USP32: variants seen among roughly 807,000 people sequenced by gnomAD.
The protein encoded by USP32 is ubiquitin specific peptidase 32.
In USP32, 59 loss-of-function variants were observed where a neutral mutation model predicts 204.8. The ratio of observed to expected loss-of-function variants is 0.29; its 90% CI spans 0.23 to 0.36. The LOEUF (loss-of-function observed/expected upper bound fraction) is 0.36. Ranked by LOEUF, USP32 falls within the 10% of genes least tolerant of loss-of-function variation. USP32 has a pLI of 1.00. For synonymous variants in USP32, 517 were observed against 678.4 expected, an observed-to-expected ratio of 0.76 and a Z score of 3.70; for missense variants, 1,160 against 1,946.4, an observed-to-expected ratio of 0.60 and a Z score of 7.60.
intron 5 of USP32, among the ~76,000 whole-genome samples, chr17:60,272,648 T>A (rs2145793031): frequency 6.6e-6 from 1 of 152,322 alleles, no homozygotes; most frequent in Admixed American, 6.5e-5. Flanking sequence ...ATAAGCAGCA[T>A]AGAACGGTGA....
At chr17:60,298,265 A>G (rs1326455148) in intron 3 of USP32, among the ~76,000 whole-genome samples, 1 of 152,174 alleles carries the variant, frequency 6.6e-6, no homozygotes, top group Non-Finnish European at 1.5e-5. Context: ...TCTTCAGCAT[A>G]AATCTCTGTT....
intron 2 of USP32, among the ~76,000 whole-genome samples, chr17:60,306,471 C>T (rs1036173710): frequency 1.3e-5 from 2 of 152,110 alleles, no homozygotes; most frequent in Admixed American, 6.6e-5. Flanking sequence ...AACCTTGTCT[C>T]TACTAAAAAT....
chr17:60,252,310 G>A, intron 11 of USP32, 71 bp downstream of exon 11: 1 of 1,161,352 alleles, frequency 8.6e-7, no homozygotes, highest in Non-Finnish European at 1.3e-6. Context: ...AATAGGACAT[G>A]CTGTTCCTCA....
chr17:60,344,328 C>T (rs577328347), intron 2 of USP32, among the ~76,000 whole-genome samples: 38 of 152,152 alleles, frequency 2.5e-4, no homozygotes, highest in Middle Eastern at 3.4e-3. Flanking sequence ...TGGTGTTTTA[C>T]CATGTTGGCC....
At position 60,375,661 on chromosome 17, in the gene USP32, T is replaced by G. The variant is rs539230435; in HGVS notation, c.58+16221A>C. 2.0e-4 allele frequency among the ~76,000 whole-genome samples: 30 copies of G among 152,322 alleles called. 1 individual carries two copies. The highest frequency in any genetic ancestry group is 7.2e-4 in the African/African-American group (30 of 41,576). On this transcript the variant is annotated intron_variant, in intron 1 of 33. Transcript: ENST00000300896. ...CTCTGTCGCTCAGGCTGGAGTGCAGTGGCACGATCTTGGCTCACTGCAACC... is the reference window on the plus strand; with the variant it reads ...CTCTGTCGCTCAGGCTGGAGTGCAGGGGCACGATCTTGGCTCACTGCAACC...
At chr17:60,360,545 G>C (rs2089184610) in intron 1 of USP32, among the ~76,000 whole-genome samples, 1 of 151,804 alleles carries the variant, frequency 6.6e-6, no homozygotes, top group Non-Finnish European at 1.5e-5. Context: ...TGTAGTCCCA[G>C]TTACTTGGGA....
intron 2 of USP32, among the ~76,000 whole-genome samples, chr17:60,311,385 C>CT (rs1357127817): frequency 5.9e-5 from 9 of 152,306 alleles, no homozygotes; most frequent in African/African-American, 2.2e-4. Context: ...AATGATCTCA[C>CT]TAGCCTCCTT....
chr17:60,210,373 G>A (rs377165868), intron 21 of USP32, among the ~76,000 whole-genome samples: 5 of 151,588 alleles, frequency 3.3e-5, no homozygotes, highest in East Asian at 3.9e-4. Context: ...GTACAGTGGT[G>A]CGATCTTGGC....
At chr17:60,209,060 A>C (rs1486256823) in intron 22 of USP32, among the ~76,000 whole-genome samples, 1 of 152,214 alleles carries the variant, frequency 6.6e-6, no homozygotes, top group Non-Finnish European at 1.5e-5. Flanking sequence ...AGTATAAAGC[A>C]TGCCTATAGG....
At chr17:60,320,576 C>T (rs1435896186) in intron 2 of USP32, among the ~76,000 whole-genome samples, 2 of 152,140 alleles carry the variant, frequency 1.3e-5, no homozygotes, top group Admixed American at 1.3e-4. Flanking sequence ...AGAAAACCCA[C>T]ACAGACATGT....
intron 1 of USP32, among the ~76,000 whole-genome samples, chr17:60,382,015 A>C (rs1227063454): frequency 1.3e-5 from 2 of 152,134 alleles, no homozygotes; most frequent in Non-Finnish European, 2.9e-5. Flanking sequence ...CATTTTTAAG[A>C]CCAAATTTTA....
At chr17:60,265,552 T>C (rs2086570004) in intron 8 of USP32, 78 bp from the exon 9 acceptor site, 3 of 965,378 alleles carry the variant, frequency 3.1e-6, no homozygotes, top group African/African-American at 3.3e-5. Flanking sequence ...CTAAAGTATA[T>C]TAAGCAAGAT....
At chr17:60,383,903 C>G (rs1321015055) in intron 1 of USP32, among the ~76,000 whole-genome samples, 3 of 152,162 alleles carry the variant, frequency 2.0e-5, no homozygotes, top group African/African-American at 7.2e-5. Flanking sequence ...AAAGGAATAA[C>G]AAGATCTGGT....
intron 5 of USP32, among the ~76,000 whole-genome samples, chr17:60,284,798 C>T (rs937660178): frequency 6.6e-6 from 1 of 152,114 alleles, no homozygotes; most frequent in African/African-American, 2.4e-5. Flanking sequence ...ATTCTTGGTT[C>T]CCTTCCTGTC....
intron 7 of USP32, among the ~76,000 whole-genome samples, chr17:60,268,582 C>CAAA (rs57060420): frequency 9.5e-4 from 43 of 45,354 alleles, no homozygotes; most frequent in Middle Eastern, 9.6e-3. Flanking sequence ...GACCCTGTCT[C>CAAA]AAAAAAAAAA....
rs182975079 is a variant in USP32, at chr17:60,365,794, T to C, written c.59-20186A>G. On this transcript the variant is annotated intron_variant, in intron 1 of 33. Coordinates refer to ENST00000300896, the MANE Select transcript of USP32 (RefSeq NM_032582.4). ...AATTTTATTAAAATACCAAAAATAA[T>C]GCCCAGAACAAATATATAAGAGAAA... is the stretch of plus-strand genomic sequence containing the variant. Among the ~76,000 whole-genome samples the C allele has an allele frequency of 1.3e-3, 201 of 152,260 alleles. 1 individual carries two copies. The highest frequency in any genetic ancestry group is 4.5e-3 in the African/African-American group (188 of 41,548).
At chr17:60,368,592 CA>C (rs1182428356) in intron 1 of USP32, among the ~76,000 whole-genome samples, 1 of 149,948 alleles carries the variant, frequency 6.7e-6, no homozygotes, top group African/African-American at 2.4e-5. Context: ...AGAATATTAC[CA>C]AAAAAAAACC....
chr17:60,363,681 T>A (rs2089257597), intron 1 of USP32, among the ~76,000 whole-genome samples: 1 of 151,768 alleles, frequency 6.6e-6, no homozygotes. Context: ...GGTTTTTTGG[T>A]GGAGATGGAG....
At chr17:60,294,909 C>A in intron 3 of USP32, 108 bp from the exon 4 acceptor site, 1 of 623,756 alleles carries the variant, frequency 1.6e-6, no homozygotes, top group Non-Finnish European at 2.8e-6. Flanking sequence ...TTACTAGGGC[C>A]AAGCACCTTA....
Sources: allele counts gnomAD v4.1 joint callset (sites outside exome capture counted in the v4.1 genomes callset), GRCh38; gene constraint gnomAD v4.1.1; transcripts MANE v1.5; gene names NCBI Gene and HGNC (gene_info 2026-07-23, HGNC 2026-07-21).